Variants in ADAM10 observed in about 807,000 individuals in gnomAD.
The protein encoded by ADAM10 is ADAM metallopeptidase domain 10, also known as disintegrin and metalloproteinase domain-containing protein 10.
In ADAM10, 17 loss-of-function variants were observed where a neutral mutation model predicts 90.1. The ratio of observed to expected loss-of-function variants is 0.19; its 90% CI spans 0.13 to 0.28. ADAM10 has a LOEUF of 0.28. Ranked by LOEUF, ADAM10 falls within the 10% of genes least tolerant of loss-of-function variation. The pLI, the probability that ADAM10 is intolerant of heterozygous loss-of-function variation, is 1.00. For missense variants in ADAM10, 610 were observed against 914.3 expected, an observed-to-expected ratio of 0.67 and a Z score of 4.29; for synonymous variants, 310 against 298.6, an observed-to-expected ratio of 1.04 and a Z score of -0.40.
intron 8 of ADAM10, among the ~76,000 whole-genome samples, chr15:58,637,692 G>C (rs1282682183): frequency 4.6e-5 from 7 of 151,276 alleles, no homozygotes; most frequent in Admixed American, 3.3e-4. Context: ...AGATGTTACT[G>C]TGTGTGTGTG....
At chr15:58,686,441 C>T in intron 2 of ADAM10, 2 of 1,368,620 alleles carry the variant, frequency 1.5e-6, no homozygotes, top group Non-Finnish European at 2.0e-6. Context: ...GAGCGCCCTG[C>T]AGTGCCTGGT....
rs568957324 is a variant in ADAM10, at chr15:58,676,084, GGA to G, written c.484+3038_484+3039del. 47 of 286,352 alleles carry G rather than the reference GGA, an allele frequency of 1.6e-4. 1 individual carries two copies. The East Asian group carries it at 3.8e-3, about 23-fold the overall frequency. 17.7% of individuals were successfully genotyped at this position (286,352 alleles called of 1,614,324 possible). The stretch of plus-strand genomic sequence containing the variant: ...AAATAAACACTGCTAAATATATTAA[GGA>G]GAGAGTTTGGCTTAAAACAGCAATA... On this transcript the variant is annotated intron_variant, in intron 4 of 15. Transcript: ENST00000260408.
At chr15:58,721,158 A>G (rs1344881178) in intron 1 of ADAM10, among the ~76,000 whole-genome samples, 2 of 152,242 alleles carry the variant, frequency 1.3e-5, no homozygotes, top group Non-Finnish European at 2.9e-5. Context: ...TGGGAGAGTT[A>G]TTAAACAAAG....
At chr15:58,654,866 T>TATTTCA (rs1896770958) in intron 5 of ADAM10, among the ~76,000 whole-genome samples, 1 of 152,242 alleles carries the variant, frequency 6.6e-6, no homozygotes, top group African/African-American at 2.4e-5. Flanking sequence ...TACCTGATAT[T>TATTTCA]ATTTCAATTT....
chr15:58,611,030 T>C lies in ADAM10; in HGVS notation c.1773A>G (p.Lys591=), dbSNP rs1895424362. The change falls in exon 13 of 16, where the codon AAA becomes AAG. Residue 591 remains lysine, a synonymous_variant. Coordinates refer to ENST00000260408, the MANE Select transcript of ADAM10 (RefSeq NM_001110.4). The stretch of plus-strand genomic sequence containing the variant: ...TCATACAGCATACATGGCATAATTC[T>C]TTATCATCTTTGCCATCAGAACTGG... ...TCASSDGKDD[K]ELCHVCCMKK... 5 of 1,613,816 alleles carry C rather than the reference T, an allele frequency of 3.1e-6. No individual in the cohort carries two copies. Among genetic ancestry groups the C allele is most frequent in the African/African-American group, 1.3e-5 (1 of 75,050 alleles).
At chr15:58,643,169 T>C (rs1330797849) in intron 7 of ADAM10, among the ~76,000 whole-genome samples, 1 of 152,152 alleles carries the variant, frequency 6.6e-6, no homozygotes, top group Non-Finnish European at 1.5e-5. Flanking sequence ...AAAAATAGCC[T>C]AAATTTGTCA....
intron 1 of ADAM10, among the ~76,000 whole-genome samples, chr15:58,724,771 C>T (rs1419081792): frequency 6.6e-6 from 1 of 152,220 alleles, no homozygotes; most frequent in African/African-American, 2.4e-5. Context: ...GGAAGCAAAA[C>T]AATCCTCAAA....
rs1894809178 is a variant in ADAM10 at position 58,590,821 on chromosome 15, T to C, written c.*6726A>G. On this transcript the variant is annotated 3_prime_UTR_variant, in exon 16 of 16. Coordinates refer to ENST00000260408, the MANE Select transcript of ADAM10 (RefSeq NM_001110.4). The stretch of plus-strand genomic sequence containing the variant: ...AGTATAACCACATAGCCTTCATTTT[T>C]CCAAAATGATTTTTCTAAAATTCAT... 1.3e-5 allele frequency: 2 copies of C among 151,832 alleles called. No homozygotes were observed. The highest frequency in any genetic ancestry group is 1.5e-5 in the Non-Finnish European group (1 of 68,036). The allele number at this position is 151,832 out of a possible 1,614,324, so 9.4% of individuals were successfully genotyped here.
chr15:58,720,805 A>G (rs1898827125), intron 1 of ADAM10, among the ~76,000 whole-genome samples: 1 of 152,242 alleles, frequency 6.6e-6, no homozygotes, highest in Non-Finnish European at 1.5e-5. Context: ...AATTGAGTTT[A>G]GCAAAAAAGA....
rs1261950092 is a variant in ADAM10 at position 58,596,551 on chromosome 15, CAG to C, written c.*994_*995del. ...AAGACACAGCTTTTCTTTTCCATATCAGACAGAAAACATAATTAGCATATTTC... is the reference window on the plus strand; with the variant it reads ...AAGACACAGCTTTTCTTTTCCATATCACAGAAAACATAATTAGCATATTTC... On this transcript the variant is annotated 3_prime_UTR_variant, in exon 16 of 16. Coordinates refer to ENST00000260408, the MANE Select transcript of ADAM10 (RefSeq NM_001110.4). 2.0e-5 allele frequency: 3 copies of C among 152,570 alleles called. No homozygotes were observed. Among genetic ancestry groups the C allele is most frequent in the Non-Finnish European group, 4.4e-5 (3 of 68,024 alleles). The allele number at this position is 152,570 out of a possible 1,614,324, so 9.5% of individuals were successfully genotyped here.
chr15:58,661,560 CCTG>C (rs1336462588), intron 5 of ADAM10, among the ~76,000 whole-genome samples: 4 of 151,918 alleles, frequency 2.6e-5, no homozygotes, highest in Non-Finnish European at 5.9e-5. Context: ...CTTTTCTCTG[CCTG>C]CTTTTATGGT....
intron 10 of ADAM10, among the ~76,000 whole-genome samples, chr15:58,624,037 G>A (rs1895866358): frequency 6.6e-6 from 1 of 150,690 alleles, no homozygotes. Flanking sequence ...GTAAATGCCA[G>A]CACTTTGGGA....
At chr15:58,669,665 C>T (rs996561330) in intron 4 of ADAM10, among the ~76,000 whole-genome samples, 1 of 152,048 alleles carries the variant, frequency 6.6e-6, no homozygotes, top group Admixed American at 6.6e-5. Flanking sequence ...TCTCTTTAAT[C>T]GACCAATACT....
intron 2 of ADAM10, among the ~76,000 whole-genome samples, chr15:58,690,399 A>G (rs148898828): frequency 3.1e-4 from 47 of 152,314 alleles, no homozygotes; most frequent in African/African-American, 1.1e-3. Flanking sequence ...ATACCACAAC[A>G]AGCCAAGAAA....
intron 1 of ADAM10, 97 bp downstream of exon 1, chr15:58,749,383 C>G: frequency 7.9e-7 from 1 of 1,267,812 alleles, no homozygotes; most frequent in Non-Finnish European, 9.9e-7. Context: ...GCTGGGCTGA[C>G]TGACGCGCAC....
In ADAM10 at chr15:58,627,939, C is replaced by A. The variant is rs1170059368; in HGVS notation, c.1177-56G>T. The A allele has an allele frequency of 5.2e-6, 8 of 1,532,330 alleles. No individual in the cohort carries two copies. In the South Asian group the frequency reaches 9.0e-5, roughly 17 times the overall value. 94.9% of individuals were successfully genotyped at this position (1,532,330 alleles called of 1,614,324 possible). The stretch of plus-strand genomic sequence containing the variant: ...AGGAAGTAAAATAAGGTTTTCAGGT[C>A]AACTGATTAAACGTAATGTTCTCAT... On this transcript the variant is annotated intron_variant, in intron 9 of 15. Coordinates refer to ENST00000260408, the MANE Select transcript of ADAM10 (RefSeq NM_001110.4).
intron 1 of ADAM10, among the ~76,000 whole-genome samples, chr15:58,739,822 G>C (rs1166466033): frequency 3.3e-5 from 5 of 152,186 alleles, no homozygotes; most frequent in African/African-American, 1.2e-4. Flanking sequence ...CATGTAATGA[G>C]ACTATTTCCA....
intron 5 of ADAM10, among the ~76,000 whole-genome samples, chr15:58,647,851 C>G (rs896043025): frequency 6.6e-6 from 1 of 152,142 alleles, no homozygotes; most frequent in Non-Finnish European, 1.5e-5. Context: ...CTGTGCCTGG[C>G]CTCAATTAAG....
intron 1 of ADAM10, 79 bp downstream of exon 1, chr15:58,749,401 G>A (rs1899904751): frequency 1.2e-5 from 16 of 1,320,634 alleles, no homozygotes; most frequent in Non-Finnish European, 1.4e-5. Flanking sequence ...CACGCCGCGA[G>A]GCGCGACTGG....
Sources: allele counts gnomAD v4.1 joint callset (sites outside exome capture counted in the v4.1 genomes callset), GRCh38; gene constraint gnomAD v4.1.1; transcripts MANE v1.5; gene names NCBI Gene and HGNC (gene_info 2026-07-23, HGNC 2026-07-21).